EPHB1: variants seen among roughly 807,000 people sequenced by gnomAD.
The protein encoded by EPHB1 is ephrin type-B receptor 1.
EPHB1 carries 30 observed loss-of-function variants against 94.4 expected under a neutral mutation model. The ratio of observed to expected loss-of-function variants is 0.32; its 90% CI spans 0.24 to 0.43. The LOEUF is 0.43. EPHB1 is among the 20% of genes least tolerant of loss of function. The probability of loss-of-function intolerance (pLI) is 1.00; values close to 1 mark genes in which losing one functional copy is unlikely to be tolerated. For synonymous variants in EPHB1, 522 were observed against 489.1 expected (o/e 1.07, Z -0.89); for missense variants, 1,055 against 1,308.3 (o/e 0.81, Z 2.99).
intron 12 of EPHB1, among the ~76,000 whole-genome samples, chr3:135,221,461 G>A (rs6764217): frequency 0.59 from 89,766 of 152,060 alleles, 28,257 homozygotes; most frequent in Middle Eastern, 0.73. Context: ...AATAAACACA[G>A]TGAACTCATT....
In EPHB1 at chr3:134,912,491, AC is replaced by A. The variant is rs201736466; in HGVS notation, c.59-13321del. ...ACATTGATTTAAAGGCTGTTTCTGG[AC>A]CCCGGCATGCCTGTGTGGTTCTTTC... On this transcript the variant is annotated intron_variant, in intron 1 of 15. Transcript: ENST00000398015. Among the ~76,000 whole-genome samples, 547 of 152,248 alleles carry A rather than the reference AC, an allele frequency of 3.6e-3. 5 individuals are homozygous for A. Among genetic ancestry groups the A allele is most frequent in the African/African-American group, 0.012 (501 of 41,542 alleles).
At chr3:135,079,181 TGCCTCTCTTGG>T in intron 3 of EPHB1, among the ~76,000 whole-genome samples, 1 of 152,098 alleles carries the variant, frequency 6.6e-6, no homozygotes, top group Non-Finnish European at 1.5e-5. Context: ...AGAGGATTAA[TGCCTCTCTTGG>T]GCTTAGACAG....
chr3:135,250,923 G>C (rs567626283), intron 15 of EPHB1, among the ~76,000 whole-genome samples: 2 of 152,210 alleles, frequency 1.3e-5, no homozygotes, highest in African/African-American at 4.8e-5. Context: ...GGGACAAACC[G>C]GTTGCTGAGT....
chr3:135,156,343 A>G (rs1008299162), intron 6 of EPHB1, among the ~76,000 whole-genome samples: 2 of 152,130 alleles, frequency 1.3e-5, no homozygotes, highest in Admixed American at 6.5e-5. Context: ...CAGTGGGTCA[A>G]TGGAAATAAG....
chr3:135,229,122 G>C (rs948222499), intron 12 of EPHB1, among the ~76,000 whole-genome samples: 2 of 152,128 alleles, frequency 1.3e-5, no homozygotes, highest in African/African-American at 4.8e-5. Context: ...GCCCCTCCTT[G>C]GCCATCCCTC....
chr3:135,007,820 A>G (rs1283503437), intron 3 of EPHB1, among the ~76,000 whole-genome samples: 1 of 152,210 alleles, frequency 6.6e-6, no homozygotes, highest in Non-Finnish European at 1.5e-5. Context: ...TTTGATATAC[A>G]TCTTGTTAAA....
At chr3:135,196,492 C>T (rs917297230) in intron 11 of EPHB1, among the ~76,000 whole-genome samples, 2 of 152,100 alleles carry the variant, frequency 1.3e-5, no homozygotes, top group East Asian at 1.9e-4. Context: ...GTTTCTGACT[C>T]CTCACACTGC....
rs188424016 is a variant in EPHB1, at chr3:135,142,431, T to C, written c.1297+9382T>C. ...CTCTGGTTGAGTTTTGACAGTCATA[T>C]GCTCTGAAAAGATAAAGGCAACATA... On this transcript the variant is annotated intron_variant, in intron 5 of 15. Transcript: ENST00000398015. Among the ~76,000 whole-genome samples, 295 of 152,336 alleles carry C rather than the reference T, an allele frequency of 1.9e-3. 2 individuals are homozygous for C. Among genetic ancestry groups the C allele is most frequent in the Admixed American group, 5.0e-3 (76 of 15,310 alleles).
At chr3:135,245,886 T>A (rs1943911674) in intron 13 of EPHB1, among the ~76,000 whole-genome samples, 1 of 149,516 alleles carries the variant, frequency 6.7e-6, no homozygotes. Context: ...CAGAATTGAG[T>A]TACATTCGGT....
intron 3 of EPHB1, among the ~76,000 whole-genome samples, chr3:135,072,299 G>A (rs957364736): frequency 3.9e-5 from 6 of 152,104 alleles, no homozygotes; most frequent in Non-Finnish European, 5.9e-5. Context: ...CAGGAGAAAC[G>A]CTTGAACCTA....
chr3:135,135,955 G>A (rs187173389), intron 5 of EPHB1, among the ~76,000 whole-genome samples: 47 of 152,304 alleles, frequency 3.1e-4, no homozygotes, highest in Admixed American at 1.8e-3. Context: ...TTGGAATTGT[G>A]TGGACTCATT....
intron 1 of EPHB1, among the ~76,000 whole-genome samples, chr3:134,882,297 A>T (rs1473422406): frequency 6.6e-6 from 1 of 152,210 alleles, no homozygotes; most frequent in Non-Finnish European, 1.5e-5. Flanking sequence ...AGAAATTAAC[A>T]ACCAAAATGT....
chr3:135,181,349 A>T (rs1313095553), intron 10 of EPHB1, among the ~76,000 whole-genome samples: 2 of 152,222 alleles, frequency 1.3e-5, no homozygotes, highest in African/African-American at 4.8e-5. Context: ...TGACTTTTAC[A>T]TTAAGAATGT....
chr3:135,227,207 G>A (rs1240836246), intron 12 of EPHB1, among the ~76,000 whole-genome samples: 2 of 152,066 alleles, frequency 1.3e-5, no homozygotes, highest in Admixed American at 6.5e-5. Context: ...TATGTTTAAA[G>A]TAAAAAGTGA....
intron 3 of EPHB1, among the ~76,000 whole-genome samples, chr3:135,020,712 T>G (rs1231459284): frequency 6.6e-6 from 1 of 152,240 alleles, no homozygotes; most frequent in East Asian, 1.9e-4. Context: ...CGAGGTTAGG[T>G]GTCCTCTAGT....
intron 3 of EPHB1, among the ~76,000 whole-genome samples, chr3:135,072,606 T>C (rs1186990065): frequency 6.6e-6 from 1 of 152,128 alleles, no homozygotes; most frequent in Non-Finnish European, 1.5e-5. Context: ...CCTGGGGGCC[T>C]TTGCACATGT....
chr3:134,807,025 G>A (rs570163483), intron 1 of EPHB1, among the ~76,000 whole-genome samples: 16 of 152,270 alleles, frequency 1.1e-4, no homozygotes, highest in African/African-American at 3.4e-4. Context: ...ATAGATTTTG[G>A]CTTGATTACA....
chr3:134,823,509 C>T (rs1243943515), intron 1 of EPHB1, among the ~76,000 whole-genome samples: 3 of 152,270 alleles, frequency 2.0e-5, no homozygotes, highest in East Asian at 3.9e-4. Flanking sequence ...CCTCAGGCTC[C>T]GTAACAGGAA....
intron 4 of EPHB1, among the ~76,000 whole-genome samples, chr3:135,121,029 G>T (rs1475789066): frequency 6.6e-6 from 1 of 152,184 alleles, no homozygotes; most frequent in African/African-American, 2.4e-5. Context: ...GACTCCTCCA[G>T]TCTGGTCCAG....
Sources: allele counts gnomAD v4.1 joint callset (sites outside exome capture counted in the v4.1 genomes callset), GRCh38; gene constraint gnomAD v4.1.1; transcripts MANE v1.5; gene names NCBI Gene and HGNC (gene_info 2026-07-23, HGNC 2026-07-21).